UGT1A7: variants seen among roughly 807,000 people sequenced by gnomAD.
UGT1A7 encodes the protein UDP glucuronosyltransferase family 1 member A7.
UGT1A7 carries 33 observed loss-of-function variants against 45.6 expected under a neutral mutation model. That is an observed-to-expected ratio of 0.72 (90% CI 0.55 to 0.97). The LOEUF (loss-of-function observed/expected upper bound fraction) is 0.97. Among genes scored for constraint, UGT1A7 ranks in the 50% least tolerant of loss-of-function variants. The pLI is 0.00. For synonymous variants in UGT1A7, 274 were observed against 250.6 expected, an observed-to-expected ratio of 1.09 and a Z score of -0.88; for missense variants, 684 against 666.2, an observed-to-expected ratio of 1.03 and a Z score of -0.29.
At chr2:233,690,359 C>T (rs1370213456) in intron 1 of UGT1A7, among the ~76,000 whole-genome samples, 1 of 152,158 alleles carries the variant, frequency 6.6e-6, no homozygotes, top group Non-Finnish European at 1.5e-5. Context: ...ACCTTAGAAG[C>T]AAACCTCTCC....
chr2:233,756,464 C>T (rs1262627096), intron 1 of UGT1A7: 3 of 151,912 alleles, frequency 2.0e-5, no homozygotes, highest in African/African-American at 7.3e-5. Context: ...TTTCAATCTG[C>T]TGTTGGCTGA....
At position 233,769,393 on chromosome 2, in the gene UGT1A7, G is replaced by A. The variant is rs767407915; in HGVS notation, c.1295+954G>A. ...GATTTCATCCGACAATAGATACTGT[G>A]TGCATATGTGCGTGTGCGTTTGTGC... is the stretch of plus-strand genomic sequence containing the variant. On this transcript the variant is annotated intron_variant, in intron 4 of 4. Transcript: ENST00000373426. This position sits in a 1 kb window ranked among gnomAD's most constrained non-coding sequence, Gnocchi z 4.4. 2.7e-5 allele frequency: 30 copies of A among 1,098,632 alleles called. No homozygotes were observed. Among genetic ancestry groups the A allele is most frequent in the Non-Finnish European group, 3.5e-5 (26 of 750,310 alleles). 68.1% of individuals were successfully genotyped at this position (1,098,632 alleles called of 1,614,324 possible).
At chr2:233,691,384 C>A in intron 1 of UGT1A7, 1 of 985,574 alleles carries the variant, frequency 1.0e-6, no homozygotes, top group Non-Finnish European at 1.2e-6. Flanking sequence ...TTATGTTCCC[C>A]ATGGGGGCCA....
rs771159962 is a variant in UGT1A7 at position 233,772,481 on chromosome 2, ATGT to A, written c.1519_1521del (p.Cys507del). 1.2e-6 allele frequency: 2 copies of A among 1,614,126 alleles called. No homozygotes were observed. Among genetic ancestry groups the A allele is most frequent in the South Asian group, 1.1e-5 (1 of 91,090 alleles). ...TGACAGTGGCCTTCATCACCTTTAA[ATGT>A]TGTGCTTATGGCTACCGGAAATGCT... On this transcript the variant is annotated inframe_deletion, in exon 5 of 5. Transcript: ENST00000373426.
Position 233,710,873 on chromosome 2 carries a change from A to C in UGT1A7, c.855+28081A>C, listed in dbSNP as rs78642251. ...TGTTTCTATGTTTTTTAAAAAAGTT[A>C]AACAGTTTAAGTTTGTAGGTTTGGG... On this transcript the variant is annotated intron_variant, in intron 1 of 4. Coordinates refer to ENST00000373426, the MANE Select transcript of UGT1A7 (RefSeq NM_019077.3). 4.5e-4 allele frequency among the ~76,000 whole-genome samples: 69 copies of C among 152,350 alleles called. No homozygotes were observed. In the East Asian group the frequency reaches 0.012, roughly 27 times the overall value.
At chr2:233,755,368 G>A in intron 1 of UGT1A7, 1 of 361,208 alleles carries the variant, frequency 2.8e-6, no homozygotes, top group Non-Finnish European at 5.3e-6. Flanking sequence ...GGGCCGCCTG[G>A]AGGGCCGCCC....
Position 233,772,498 on chromosome 2 carries a change from A to G in UGT1A7, c.1532A>G (p.Tyr511Cys), listed in dbSNP as rs1575871592. The G allele has an allele frequency of 1.2e-6, 2 of 1,614,068 alleles. No homozygotes were observed. The highest frequency in any genetic ancestry group is 2.2e-5 in the East Asian group (1 of 44,892). ...ACCTTTAAATGTTGTGCTTATGGCT[A>G]CCGGAAATGCTTGGGGAAAAAAGGG... is the stretch of plus-strand genomic sequence containing the variant. Reference protein sequence around the residue: ...FITFKCCAYGYRKCLGKKGRV... With the variant: ...FITFKCCAYGCRKCLGKKGRV... Residue 511 changes from tyrosine (Y) to cysteine (C), a missense_variant, in exon 5 of 5, where the codon TAC (tyrosine) becomes TGC (cysteine). By Grantham distance (194) the Tyr-to-Cys change is radical (BLOSUM62 -2). Transcript: ENST00000373426.
intron 1 of UGT1A7, chr2:233,754,898 C>G: frequency 1.5e-6 from 2 of 1,351,858 alleles, no homozygotes; most frequent in Non-Finnish European, 2.0e-6. Context: ...TCCTCTGACC[C>G]CCCAAAATAT....
At chr2:233,711,337 G>C (rs1160306981) in intron 1 of UGT1A7, among the ~76,000 whole-genome samples, 1 of 152,226 alleles carries the variant, frequency 6.6e-6, no homozygotes, top group African/African-American at 2.4e-5. Flanking sequence ...CCACTGCATG[G>C]AGATAGAACA....
intron 1 of UGT1A7, among the ~76,000 whole-genome samples, chr2:233,699,494 A>G (rs752077741): frequency 1.1e-4 from 17 of 152,338 alleles, no homozygotes; most frequent in Middle Eastern, 3.4e-3. Context: ...TTCTACTTGT[A>G]ATACAAAGAA....
intron 1 of UGT1A7, among the ~76,000 whole-genome samples, chr2:233,732,619 T>A (rs2078290035): frequency 6.6e-6 from 1 of 152,210 alleles, no homozygotes; most frequent in African/African-American, 2.4e-5. Flanking sequence ...TGGTTGTAGA[T>A]GTGTGGTGTT....
intron 1 of UGT1A7, among the ~76,000 whole-genome samples, chr2:233,711,012 A>C (rs2076158126): frequency 1.3e-5 from 2 of 152,180 alleles, no homozygotes; most frequent in African/African-American, 4.8e-5. Context: ...GCCTTTTTCT[A>C]TCTCTGAATT....
intron 1 of UGT1A7, among the ~76,000 whole-genome samples, chr2:233,764,258 T>C (rs1698520087): frequency 1.3e-5 from 2 of 152,152 alleles, no homozygotes; most frequent in Non-Finnish European, 2.9e-5. Context: ...AGTTAATATG[T>C]TGCTTCACTC....
chr2:233,686,222 A>G (rs1305153214), intron 1 of UGT1A7, among the ~76,000 whole-genome samples: 2 of 151,976 alleles, frequency 1.3e-5, no homozygotes, highest in Admixed American at 6.6e-5. Context: ...AATATTTGTG[A>G]CCTTGGATTT....
chr2:233,730,126 G>T, intron 1 of UGT1A7: 1 of 1,542,516 alleles, frequency 6.5e-7, no homozygotes, highest in Non-Finnish European at 8.7e-7. Flanking sequence ...TGTCATAATA[G>T]CCTTCAGTGA....
intron 1 of UGT1A7, among the ~76,000 whole-genome samples, chr2:233,688,668 C>CT (rs201041759): frequency 1.3e-5 from 2 of 152,236 alleles, no homozygotes; most frequent in Admixed American, 6.5e-5. Context: ...GCAGCTGGCT[C>CT]TTTTTTAAAA....
At chr2:233,725,024 G>A (rs1241696904) in intron 1 of UGT1A7, among the ~76,000 whole-genome samples, 4 of 148,280 alleles carry the variant, frequency 2.7e-5, no homozygotes, top group Admixed American at 6.7e-5. Flanking sequence ...AGCAAAACCC[G>A]GTCTCCACCA....
intron 1 of UGT1A7, among the ~76,000 whole-genome samples, chr2:233,761,544 A>G (rs745620081): frequency 8.5e-5 from 13 of 152,226 alleles, no homozygotes; most frequent in Non-Finnish European, 1.6e-4. Context: ...TCATTCTTTG[A>G]TGATGATAGA....
intron 1 of UGT1A7, among the ~76,000 whole-genome samples, chr2:233,724,233 G>A (rs1323099966): frequency 1.2e-4 from 15 of 126,038 alleles, no homozygotes; most frequent in African/African-American, 3.9e-4. Context: ...CAGTAGGGGC[G>A]GCCGGGCAGA....
Sources: allele counts gnomAD v4.1 joint callset (sites outside exome capture counted in the v4.1 genomes callset), GRCh38; gene constraint gnomAD v4.1.1; non-coding constraint Gnocchi (gnomAD v3.1); transcripts MANE v1.5; gene names NCBI Gene and HGNC (gene_info 2026-07-23, HGNC 2026-07-21).